SLC24A2: variants seen among roughly 807,000 people sequenced by gnomAD.
The protein encoded by SLC24A2 is sodium/potassium/calcium exchanger 2.
A neutral mutation model predicts 62.0 loss-of-function variants in SLC24A2; 36 were observed. That is an observed-to-expected ratio of 0.58 (90% CI 0.44 to 0.77). The LOEUF (loss-of-function observed/expected upper bound fraction) is 0.77, where lower values mean the gene tolerates loss of function less well. Among genes scored for constraint, SLC24A2 ranks in the 30% least tolerant of loss-of-function variants. The probability of loss-of-function intolerance (pLI) is 0.00; values close to 1 mark genes in which losing one functional copy is unlikely to be tolerated. For synonymous variants in SLC24A2, 358 were observed against 294.0 expected (o/e 1.22, Z -2.23); for missense variants, 846 against 817.9 (o/e 1.03, Z -0.42).
the SLC24A2 span, among the ~76,000 whole-genome samples, chr9:20,103,457 G>T: frequency 6.6e-6 from 1 of 152,178 alleles, no homozygotes; most frequent in Non-Finnish European, 1.5e-5. Flanking sequence ...CCCAGCAGGG[G>T]CAGACTGACA....
At chr9:20,205,199 G>A in the SLC24A2 span, among the ~76,000 whole-genome samples, 1 of 152,056 alleles carries the variant, frequency 6.6e-6, no homozygotes, top group Non-Finnish European at 1.5e-5. Context: ...ATGAGAAAAT[G>A]GGGAGTACAC....
the SLC24A2 span, among the ~76,000 whole-genome samples, chr9:20,214,564 G>A: frequency 6.6e-6 from 1 of 151,844 alleles, no homozygotes; most frequent in African/African-American, 2.4e-5. Context: ...GCAGTGAGCC[G>A]AGATCATGCC....
intron 2 of SLC24A2, among the ~76,000 whole-genome samples, chr9:19,736,442 G>A (rs1422023355): frequency 1.3e-5 from 2 of 152,184 alleles, no homozygotes; most frequent in Admixed American, 6.5e-5. Context: ...GCTTGAAAAT[G>A]TTGCAAGGAT....
intron 2 of SLC24A2, among the ~76,000 whole-genome samples, chr9:19,694,429 A>AT (rs1390661407): frequency 1.3e-5 from 2 of 152,214 alleles, no homozygotes; most frequent in African/African-American, 4.8e-5. Context: ...AAAACAAAAT[A>AT]TTTTTTTCTA....
chr9:20,183,467 G>A, the SLC24A2 span, among the ~76,000 whole-genome samples: 1 of 152,220 alleles, frequency 6.6e-6, no homozygotes, highest in Admixed American at 6.5e-5. Context: ...GCATGTTGGA[G>A]GCTCTGAGAA....
At chr9:19,779,869 C>T (rs1047143443) in intron 2 of SLC24A2, among the ~76,000 whole-genome samples, 5 of 151,256 alleles carry the variant, frequency 3.3e-5, no homozygotes, top group African/African-American at 1.2e-4. Flanking sequence ...ACCACCCTGG[C>T]TAACATGGTG....
At chr9:19,520,099 GACA>G (rs1833117796) in intron 10 of SLC24A2, among the ~76,000 whole-genome samples, 2 of 152,172 alleles carry the variant, frequency 1.3e-5, no homozygotes, top group African/African-American at 4.8e-5. Flanking sequence ...AAAGGTGGAA[GACA>G]GAACAATATT....
the SLC24A2 span, among the ~76,000 whole-genome samples, chr9:19,800,984 G>A: frequency 6.6e-6 from 1 of 152,182 alleles, no homozygotes; most frequent in African/African-American, 2.4e-5. Context: ...AATCCACAGG[G>A]AGGGCCAATG....
the SLC24A2 span, among the ~76,000 whole-genome samples, chr9:20,039,222 T>A: frequency 1.3e-5 from 2 of 152,118 alleles, no homozygotes; most frequent in Non-Finnish European, 2.9e-5. Flanking sequence ...AATCTCAAAC[T>A]TCTTTGTGCC....
chr9:20,206,726 G>C, the SLC24A2 span, among the ~76,000 whole-genome samples: 20,875 of 151,920 alleles, frequency 0.14, 1,680 homozygotes, highest in African/African-American at 0.21. Flanking sequence ...TGATCTGCTC[G>C]CCTCAGCCTC....
the SLC24A2 span, among the ~76,000 whole-genome samples, chr9:20,130,941 C>T: frequency 1.3e-5 from 2 of 152,042 alleles, no homozygotes; most frequent in Non-Finnish European, 2.9e-5. Flanking sequence ...AGTAACCTGT[C>T]CCAGCATGAC....
intron 2 of SLC24A2, among the ~76,000 whole-genome samples, chr9:19,711,575 A>T (rs1468745861): frequency 7.9e-5 from 12 of 152,238 alleles, no homozygotes; most frequent in Admixed American, 7.2e-4. Context: ...AATCTGAGCC[A>T]TTGCTGGCTT....
At chr9:20,128,573 G>A in the SLC24A2 span, among the ~76,000 whole-genome samples, 6 of 152,012 alleles carry the variant, frequency 3.9e-5, no homozygotes, top group South Asian at 1.2e-3. Flanking sequence ...AATTTTCAAA[G>A]GTCTTTTTCC....
intron 2 of SLC24A2, among the ~76,000 whole-genome samples, chr9:19,774,202 G>A (rs941332187): frequency 6.6e-6 from 1 of 152,144 alleles, no homozygotes; most frequent in Non-Finnish European, 1.5e-5. Flanking sequence ...GGGTTGGGGA[G>A]GAGGAGGGCA....
the SLC24A2 span, among the ~76,000 whole-genome samples, chr9:20,113,403 A>C: frequency 1.3e-5 from 2 of 152,094 alleles, no homozygotes; most frequent in African/African-American, 4.8e-5. Flanking sequence ...AATAGTAAAA[A>C]GCACATAAAA....
At chr9:19,833,916 AC>A in the SLC24A2 span, among the ~76,000 whole-genome samples, 1 of 152,204 alleles carries the variant, frequency 6.6e-6, no homozygotes, top group Non-Finnish European at 1.5e-5. Flanking sequence ...TTTGCGGTTC[AC>A]CAATATCCGC....
chr9:19,571,515 T>C (rs1338218444), intron 7 of SLC24A2, among the ~76,000 whole-genome samples: 1 of 152,082 alleles, frequency 6.6e-6, no homozygotes, highest in East Asian at 1.9e-4. Context: ...TAGAGAGTGC[T>C]TTCAAACTTT....
the SLC24A2 span, among the ~76,000 whole-genome samples, chr9:20,241,180 T>C: frequency 6.6e-6 from 1 of 152,248 alleles, no homozygotes; most frequent in African/African-American, 2.4e-5. Flanking sequence ...TCACCTGGTG[T>C]TAACACTGAA....
chr9:20,038,490 C>T, the SLC24A2 span, among the ~76,000 whole-genome samples: 939 of 152,296 alleles, frequency 6.2e-3, 6 homozygotes, highest in Non-Finnish European at 0.011. Context: ...GCAGTGCTCT[C>T]TGCAGGTGAC....
Sources: gnomAD v4.1 joint callset for allele counts (sites outside exome capture counted in the v4.1 genomes callset) on GRCh38, gnomAD v4.1.1 for gene constraint, MANE v1.5 for transcripts, NCBI Gene and HGNC (gene_info 2026-07-23, HGNC 2026-07-21) for gene names.